Variants in TBC1D5 observed in about 807,000 individuals in gnomAD.
The protein encoded by TBC1D5 is TBC1 domain family, member 5.
TBC1D5 carries 75 observed loss-of-function variants against 100.3 expected under a neutral mutation model. The observed-to-expected ratio is 0.75, with a 90% CI of 0.62 to 0.91. TBC1D5 has a LOEUF of 0.91. Ranked by LOEUF, TBC1D5 falls within the 40% of genes least tolerant of loss-of-function variation. The pLI is 0.00. For synonymous variants in TBC1D5, 323 were observed against 325.6 expected (o/e 0.99, Z 0.09); for missense variants, 910 against 942.4 (o/e 0.97, Z 0.45).
intron 15 of TBC1D5, among the ~76,000 whole-genome samples, chr3:17,270,680 T>C (rs906583302): frequency 2.0e-5 from 3 of 152,172 alleles, no homozygotes; most frequent in African/African-American, 7.2e-5. Context: ...TAGCCATAAA[T>C]TATCTGCCAA....
chr3:17,242,157 C>T (rs954127824), intron 16 of TBC1D5, among the ~76,000 whole-genome samples: 1 of 152,146 alleles, frequency 6.6e-6, no homozygotes, highest in South Asian at 2.1e-4. Flanking sequence ...CTAGGGCCTC[C>T]AATGCCTTCG....
rs1188024653 is a variant in TBC1D5 at position 17,462,321 on chromosome 3, A to ATT, written c.98-33803_98-33802insAA. On this transcript the variant is annotated intron_variant, in intron 3 of 21. Transcript: ENST00000253692. ...GCTATATTTAAATGTTTCGGACCTT[A>ATT]ATTTTTTTTTTTTTTTTTTTGAGCC... 1.5e-4 allele frequency among the ~76,000 whole-genome samples: 22 copies of ATT among 143,040 alleles called. No homozygotes were observed. The South Asian group carries it at 2.6e-3, about 17-fold the overall frequency. 93.8% of individuals were successfully genotyped at this position (143,040 alleles called of 152,430 possible). A position where few individuals can be genotyped will look rare whatever the true frequency, so the allele number is the denominator to read the frequency against.
intron 3 of TBC1D5, among the ~76,000 whole-genome samples, chr3:17,484,801 T>C (rs1048355863): frequency 6.6e-6 from 1 of 152,082 alleles, no homozygotes. Flanking sequence ...CAAGTATATA[T>C]GCTACCATAG....
chr3:17,660,515 G>A (rs1468941079), intron 1 of TBC1D5, among the ~76,000 whole-genome samples: 2 of 152,194 alleles, frequency 1.3e-5, no homozygotes, highest in African/African-American at 4.8e-5. Context: ...GATAACATAT[G>A]ATCTAAATGG....
intron 3 of TBC1D5, among the ~76,000 whole-genome samples, chr3:17,468,027 T>C (rs1224255768): frequency 6.6e-6 from 1 of 152,194 alleles, no homozygotes; most frequent in East Asian, 1.9e-4. Context: ...AAAGAAAGTA[T>C]ACATTTTGAA....
intron 13 of TBC1D5, among the ~76,000 whole-genome samples, chr3:17,344,182 A>C (rs1424515832): frequency 2.6e-5 from 4 of 152,138 alleles, no homozygotes; most frequent in African/African-American, 7.2e-5. Flanking sequence ...GTCTCAGCCC[A>C]AAATCTCCTT....
intron 2 of TBC1D5, among the ~76,000 whole-genome samples, chr3:17,590,004 A>G (rs1178022141): frequency 6.6e-6 from 1 of 152,190 alleles, no homozygotes; most frequent in Non-Finnish European, 1.5e-5. Flanking sequence ...GTATTCCAGT[A>G]TGGGGCACAG....
At chr3:17,692,369 G>C (rs2071301180) in intron 1 of TBC1D5, among the ~76,000 whole-genome samples, 1 of 152,094 alleles carries the variant, frequency 6.6e-6, no homozygotes, top group Non-Finnish European at 1.5e-5. Context: ...TGGGATTACA[G>C]GTATGAGTCA....
At chr3:17,662,281 C>T (rs1339017333) in intron 1 of TBC1D5, among the ~76,000 whole-genome samples, 1 of 152,206 alleles carries the variant, frequency 6.6e-6, no homozygotes, top group African/African-American at 2.4e-5. Context: ...CTATCACAGA[C>T]ATTATTTCTC....
At chr3:17,652,328 T>C (rs78836201) in intron 1 of TBC1D5, among the ~76,000 whole-genome samples, 2,505 of 152,258 alleles carry the variant, frequency 0.016, 51 homozygotes, top group South Asian at 0.048. Flanking sequence ...ATATTTATCA[T>C]ATGAAAATAA....
At chr3:17,330,756 G>C (rs2151145585) in intron 13 of TBC1D5, among the ~76,000 whole-genome samples, 1 of 152,162 alleles carries the variant, frequency 6.6e-6, no homozygotes, top group East Asian at 1.9e-4. Context: ...CTGGACACTG[G>C]ACTTCATAAC....
chr3:17,516,227 G>T (rs941196127), intron 2 of TBC1D5, among the ~76,000 whole-genome samples: 5 of 152,126 alleles, frequency 3.3e-5, no homozygotes, highest in African/African-American at 1.2e-4. Context: ...TTCCATAGCA[G>T]TATTTCCCTT....
chr3:17,717,179 T>C (rs1442050095), intron 1 of TBC1D5, among the ~76,000 whole-genome samples: 3 of 152,060 alleles, frequency 2.0e-5, no homozygotes, highest in Admixed American at 1.3e-4. Context: ...TGTAATTCTA[T>C]TATTCTCCCT....
At chr3:17,724,144 A>G (rs111624443) in intron 1 of TBC1D5, among the ~76,000 whole-genome samples, 3 of 151,234 alleles carry the variant, frequency 2.0e-5, no homozygotes, top group African/African-American at 7.3e-5. Context: ...CAGTAGCACA[A>G]TCACAACTCA....
intron 3 of TBC1D5, among the ~76,000 whole-genome samples, chr3:17,455,439 T>C (rs1197401236): frequency 2.8e-5 from 4 of 143,048 alleles, no homozygotes; most frequent in Non-Finnish European, 6.0e-5. Flanking sequence ...TGTATGTGTG[T>C]GTATATATAT....
intron 21 of TBC1D5, among the ~76,000 whole-genome samples, chr3:17,166,554 C>T (rs999362443): frequency 1.3e-5 from 2 of 152,358 alleles, no homozygotes; most frequent in African/African-American, 2.4e-5. Flanking sequence ...CCGCACGGCT[C>T]TAGGAGACAC....
intron 13 of TBC1D5, among the ~76,000 whole-genome samples, chr3:17,366,685 T>C (rs1402839516): frequency 6.6e-6 from 1 of 152,104 alleles, no homozygotes; most frequent in African/African-American, 2.4e-5. Context: ...ATCTTTTAGG[T>C]GGATAATTAC....
Position 17,710,564 on chromosome 3 carries a change from CAATAAATA to C in TBC1D5, c.-101+28771_-101+28778del, listed in dbSNP as rs200722930. 7.4e-5 allele frequency among the ~76,000 whole-genome samples: 11 copies of C among 149,074 alleles called. 1 individual carries two copies. The South Asian group carries it at 8.5e-4, about 12-fold the overall frequency. The stretch of plus-strand genomic sequence containing the variant: ...GGGCAACAAGAGCAAAACTCCATCT[CAATAAATA>C]AATAAATAAATAAATAAATAAAAAT... On this transcript the variant is annotated intron_variant, in intron 1 of 21. Transcript: ENST00000253692.
intron 15 of TBC1D5, among the ~76,000 whole-genome samples, chr3:17,285,776 G>A (rs2081124792): frequency 6.6e-6 from 1 of 152,126 alleles, no homozygotes; most frequent in Non-Finnish European, 1.5e-5. Flanking sequence ...AAAAATTAAA[G>A]TACCTATATA....
Sources: gnomAD v4.1 joint callset for allele counts (sites outside exome capture counted in the v4.1 genomes callset) on GRCh38, gnomAD v4.1.1 for gene constraint, MANE v1.5 for transcripts, NCBI Gene and HGNC (gene_info 2026-07-23, HGNC 2026-07-21) for gene names.